PRDM5: variants seen among roughly 807,000 people sequenced by gnomAD.
The protein encoded by PRDM5 is PR domain zinc finger protein 5.
Under a neutral mutation model 81.2 loss-of-function variants are expected in PRDM5, and 56 were observed. The ratio of observed to expected loss-of-function variants is 0.69; its 90% CI spans 0.56 to 0.86. PRDM5 has a LOEUF of 0.86. Among genes scored for constraint, PRDM5 ranks in the 40% least tolerant of loss-of-function variants. The pLI is 0.00. For synonymous variants in PRDM5, 267 were observed against 256.4 expected (o/e 1.04, Z -0.39); for missense variants, 697 against 770.1 (o/e 0.91, Z 1.12).
chr4:120,880,542 A>G (rs1211298120), intron 2 of PRDM5, among the ~76,000 whole-genome samples: 1 of 152,182 alleles, frequency 6.6e-6, no homozygotes, highest in African/African-American at 2.4e-5. Flanking sequence ...CAATACAAAA[A>G]TTATTAATGA....
chr4:120,804,615 A>T (rs921075126), intron 8 of PRDM5, among the ~76,000 whole-genome samples: 29 of 152,220 alleles, frequency 1.9e-4, no homozygotes, highest in African/African-American at 6.8e-4. Context: ...GTACATAACA[A>T]AATGAAGGCA....
intron 3 of PRDM5, among the ~76,000 whole-genome samples, chr4:120,841,748 T>TA (rs1758061175): frequency 6.6e-6 from 1 of 152,172 alleles, no homozygotes; most frequent in Non-Finnish European, 1.5e-5. Flanking sequence ...ACATGGTTGT[T>TA]AGTTTAATTT....
chr4:120,770,255 C>A (rs1398829362), intron 13 of PRDM5, among the ~76,000 whole-genome samples: 2 of 152,078 alleles, frequency 1.3e-5, no homozygotes, highest in African/African-American at 4.8e-5. Context: ...TCTCAAACTC[C>A]TGACCTCAGG....
intron 2 of PRDM5, among the ~76,000 whole-genome samples, chr4:120,860,255 T>C (rs2597544): frequency 0.44 from 67,523 of 152,026 alleles, 15,212 homozygotes; most frequent in Non-Finnish European, 0.47. Context: ...AAAGCTCATA[T>C]AGTGTGTCTT....
At position 120,799,745 on chromosome 4, in the gene PRDM5, T is replaced by A; in HGVS notation, c.946A>T (p.Ile316Phe). ...TCTTGACAATCAAATATCTCATGAA[T>A]CTGCAAAAGGTTAAATAGACAGTTA... Reference protein sequence around the residue: ...SASSLQEHRKIHEIFDCQECM... With the variant: ...SASSLQEHRKFHEIFDCQECM... The change falls in exon 9 of 16, where the codon ATT becomes TTT. Residue 316 changes from isoleucine (I) to phenylalanine (F), a missense_variant and splice_region_variant. Physicochemically the swap from Ile to Phe is conservative, Grantham distance 21. Around this residue, in one of 3 missense-constraint regions of PRDM5, gnomAD observed 577 missense variants for 606.7 expected, o/e 0.95. Transcript: ENST00000264808. The A allele has an allele frequency of 6.2e-7, 1 of 1,611,904 alleles. No homozygotes were observed. Among genetic ancestry groups the A allele is most frequent in the African/African-American group, 1.3e-5 (1 of 74,990 alleles).
chr4:120,743,707 A>C (rs1259992821), intron 14 of PRDM5, among the ~76,000 whole-genome samples: 4 of 102,424 alleles, frequency 3.9e-5, no homozygotes, highest in Non-Finnish European at 7.9e-5. Flanking sequence ...TGGTAAAGGG[A>C]TCAATTCAAC....
chr4:120,887,293 G>A (rs1579120334), intron 2 of PRDM5, among the ~76,000 whole-genome samples: 1 of 113,872 alleles, frequency 8.8e-6, no homozygotes, highest in African/African-American at 3.6e-5. Context: ...ATCAGTGTTA[G>A]TTACCTTCAA....
intron 15 of PRDM5, among the ~76,000 whole-genome samples, chr4:120,697,652 C>T (rs1734682724): frequency 6.8e-6 from 1 of 147,910 alleles, no homozygotes; most frequent in South Asian, 2.1e-4. Flanking sequence ...GGCCAGATGC[C>T]ACCATGCCCA....
At chr4:120,789,919 CA>C (rs1416212287) in intron 10 of PRDM5, among the ~76,000 whole-genome samples, 1 of 152,192 alleles carries the variant, frequency 6.6e-6, no homozygotes, top group East Asian at 1.9e-4. Context: ...CCCACTGCTT[CA>C]AAGCCACAAT....
chr4:120,711,769 C>G (rs1737022780), intron 14 of PRDM5, among the ~76,000 whole-genome samples: 1 of 152,012 alleles, frequency 6.6e-6, no homozygotes, highest in African/African-American at 2.4e-5. Flanking sequence ...AATTCCTTAG[C>G]CTTCTTTGAT....
At position 120,758,787 on chromosome 4, in the gene PRDM5, G is replaced by A. The variant is rs548293282; in HGVS notation, c.1538-4149C>T. ...TTTTTTTTTTTTGAGATGGAGTCTC[G>A]CTCTGTTGCCCAGGCTGGAGTGCAG... On this transcript the variant is annotated intron_variant, in intron 13 of 15. Coordinates refer to ENST00000264808, the MANE Select transcript of PRDM5 (RefSeq NM_018699.4). Among the ~76,000 whole-genome samples the A allele has an allele frequency of 6.7e-5, 10 of 149,220 alleles. No homozygotes were observed. In the East Asian group the frequency reaches 9.8e-4, roughly 15 times the overall value.
At chr4:120,827,867 C>T (rs754054946) in intron 3 of PRDM5, among the ~76,000 whole-genome samples, 5 of 152,100 alleles carry the variant, frequency 3.3e-5, no homozygotes, top group Admixed American at 3.3e-4. Flanking sequence ...TCCCTATGGG[C>T]CTCAATGTCC....
chr4:120,834,432 C>T (rs1183845577), intron 3 of PRDM5, among the ~76,000 whole-genome samples: 2 of 152,090 alleles, frequency 1.3e-5, no homozygotes, highest in African/African-American at 4.8e-5. Flanking sequence ...GCCTATGAAA[C>T]AGGAAGCAGG....
intron 13 of PRDM5, among the ~76,000 whole-genome samples, chr4:120,760,906 C>T (rs2149176418): frequency 1.3e-5 from 2 of 152,144 alleles, no homozygotes; most frequent in South Asian, 4.2e-4. Context: ...ATTTCAGATG[C>T]TGATAAATTA....
intron 15 of PRDM5, among the ~76,000 whole-genome samples, chr4:120,696,624 G>T (rs2148987412): frequency 6.6e-6 from 1 of 152,190 alleles, no homozygotes; most frequent in Non-Finnish European, 1.5e-5. Flanking sequence ...TATTTACCTT[G>T]CAGGATTATT....
chr4:120,805,950 C>G (rs1468372330), intron 8 of PRDM5, among the ~76,000 whole-genome samples: 2 of 152,034 alleles, frequency 1.3e-5, no homozygotes, highest in African/African-American at 2.4e-5. Context: ...TCTAGAAAAC[C>G]CCATCATCTC....
At chr4:120,758,058 T>C (rs555214083) in intron 13 of PRDM5, among the ~76,000 whole-genome samples, 2 of 152,232 alleles carry the variant, frequency 1.3e-5, no homozygotes, top group South Asian at 2.1e-4. Flanking sequence ...CCTTTGCTCT[T>C]GGACTGACTT....
chr4:120,840,036 G>A (rs1757816442), intron 3 of PRDM5, among the ~76,000 whole-genome samples: 1 of 152,216 alleles, frequency 6.6e-6, no homozygotes, highest in African/African-American at 2.4e-5. Flanking sequence ...GCGGGAGCAG[G>A]CATTTCAGAG....
At chr4:120,713,876 CAT>C (rs770108470) in intron 14 of PRDM5, among the ~76,000 whole-genome samples, 2 of 152,168 alleles carry the variant, frequency 1.3e-5, no homozygotes, top group African/African-American at 2.4e-5. Context: ...GTCAGGTTCA[CAT>C]GAGGGCCCTT....
Sources: gnomAD v4.1 joint callset for allele counts (sites outside exome capture counted in the v4.1 genomes callset) on GRCh38, gnomAD v4.1.1 for gene constraint, gnomAD v4.1.1 regional missense constraint, MANE v1.5 for transcripts, NCBI Gene and HGNC (gene_info 2026-07-23, HGNC 2026-07-21) for gene names.